LCORL: variants seen among roughly 807,000 people sequenced by gnomAD.
LCORL encodes the protein ligand dependent nuclear receptor corepressor like.
Under a neutral mutation model 141.8 loss-of-function variants are expected in LCORL, and 41 were observed. The ratio of observed to expected loss-of-function variants is 0.29; its 90% CI spans 0.23 to 0.38. The LOEUF is 0.38. Among genes scored for constraint, LCORL ranks in the 10% least tolerant of loss-of-function variants. The pLI, the probability that LCORL is intolerant of heterozygous loss-of-function variation, is 1.00. For synonymous variants in LCORL, 618 were observed against 694.1 expected (o/e 0.89, Z 1.72); for missense variants, 1,759 against 2,035.0 (o/e 0.86, Z 2.61).
At chr4:17,906,894 C>A (rs1452764164) in intron 5 of LCORL, among the ~76,000 whole-genome samples, 1 of 151,998 alleles carries the variant, frequency 6.6e-6, no homozygotes, top group Non-Finnish European at 1.5e-5. Flanking sequence ...ACCATGTTGG[C>A]CAGGATGTTG....
chr4:17,843,158 A>AT, exon 8 of LCORL: 1 of 836,058 alleles, frequency 1.2e-6, no homozygotes, highest in South Asian at 2.2e-5. Context: ...TGACATTGAG[A>AT]TTTTAGTTTT....
intron 7 of LCORL, among the ~76,000 whole-genome samples, chr4:17,852,026 G>A (rs1036792370): frequency 1.3e-5 from 2 of 152,030 alleles, no homozygotes; most frequent in Non-Finnish European, 2.9e-5. Context: ...TTGTTCTATA[G>A]TGATTTGTGA....
chr4:17,845,822 T>C (rs201117351), exon 8 of LCORL: 6 of 1,613,324 alleles, frequency 3.7e-6, no homozygotes, highest in Middle Eastern at 1.7e-4. Context: ...TTAAGGCACA[T>C]CTTAATGGGG....
intron 7 of LCORL, among the ~76,000 whole-genome samples, chr4:17,872,002 T>C (rs1726392444): frequency 6.6e-6 from 1 of 152,076 alleles, no homozygotes; most frequent in Admixed American, 6.6e-5. Context: ...ATCAAGAATT[T>C]ACTGCTTTTA....
Position 17,884,522 on chromosome 4 carries a change from T to G in LCORL, c.776+1546A>C. 1 of 1,538,918 alleles carries G rather than the reference T, an allele frequency of 6.5e-7. No homozygotes were observed. Among genetic ancestry groups the G allele is most frequent in the Non-Finnish European group, 8.7e-7 (1 of 1,143,090 alleles). The stretch of plus-strand genomic sequence containing the variant: ...TGCACAAGTTTCTTTACTGTCCTTA[T>G]ATGAATAACTATCATGGAAATCTCG... On this transcript the variant is annotated intron_variant, in intron 6 of 7. Transcript: ENST00000635767. The surrounding 1 kb of genome is among the most constrained non-coding windows in gnomAD (Gnocchi z 4.4).
At chr4:17,850,646 G>A (rs1467008196) in intron 7 of LCORL, among the ~76,000 whole-genome samples, 57 of 151,806 alleles carry the variant, frequency 3.8e-4, no homozygotes, top group Middle Eastern at 3.4e-3. Flanking sequence ...TGGAGAGGAT[G>A]TGGAGAAATA....
intron 6 of LCORL, chr4:17,883,673 AACAC>A (rs139656197): frequency 2.1e-4 from 277 of 1,315,502 alleles, no homozygotes; most frequent in African/African-American, 1.1e-3. Context: ...CACACACGCA[AACAC>A]ACACACACAC....
At chr4:17,909,314 G>C (rs959364724) in exon 5 of LCORL, 2 of 1,608,014 alleles carry the variant, frequency 1.2e-6, no homozygotes, top group South Asian at 1.1e-5. Flanking sequence ...GAGCAACTAG[G>C]GGAATGTTAG....
In LCORL at chr4:17,884,077, G is replaced by C. The variant is rs1727959064; in HGVS notation, c.776+1991C>G. ...TTTTAGAATTAAGACACAAAGGAGA[G>C]AGGTCCCCATGTAGAAAGTAAGAGT... On this transcript the variant is annotated intron_variant, in intron 6 of 7. Transcript: ENST00000635767. The surrounding 1 kb of genome is among the most constrained non-coding windows in gnomAD (Gnocchi z 4.4). The C allele has an allele frequency of 1.3e-6, 2 of 1,550,516 alleles. No individual in the cohort carries two copies. The highest frequency in any genetic ancestry group is 1.4e-5 in the African/African-American group (1 of 72,926).
intron 6 of LCORL, among the ~76,000 whole-genome samples, chr4:17,878,971 A>G (rs1444174708): frequency 2.6e-5 from 4 of 151,056 alleles, no homozygotes; most frequent in Non-Finnish European, 5.9e-5. Flanking sequence ...TTAATCCAAT[A>G]CCAGCAGCAG....
At chr4:18,004,365 G>A (rs1257190467) in intron 1 of LCORL, among the ~76,000 whole-genome samples, 14 of 152,204 alleles carry the variant, frequency 9.2e-5, no homozygotes, top group Admixed American at 9.2e-4. Context: ...CCATGTGGCT[G>A]GGGAAGCCTC....
chr4:17,984,130 G>A lies in LCORL; in HGVS notation c.155-11245C>T, dbSNP rs1327456360. On this transcript the variant is annotated intron_variant, in intron 1 of 7. Transcript: ENST00000635767. ...CCAGGGATAAAGCCTACCTGATAGT[G>A]GTGTATTAGCTTTTTGATGTGCTGC... Among the ~76,000 whole-genome samples, 3 of 152,092 alleles carry A rather than the reference G, an allele frequency of 2.0e-5. No individual in the cohort carries two copies. In the South Asian group the frequency reaches 6.2e-4, roughly 32 times the overall value.
chr4:17,943,121 G>C (rs552809894), intron 4 of LCORL, among the ~76,000 whole-genome samples: 14 of 152,176 alleles, frequency 9.2e-5, no homozygotes, highest in African/African-American at 3.4e-4. Context: ...CTGATCCGGC[G>C]GCTCATTTTG....
At chr4:18,007,387 A>G (rs1722991090) in intron 1 of LCORL, among the ~76,000 whole-genome samples, 1 of 152,226 alleles carries the variant, frequency 6.6e-6, no homozygotes, top group African/African-American at 2.4e-5. Flanking sequence ...TCAATTAAAC[A>G]AACTATCTTT....
rs1171069243 is a variant in LCORL, at chr4:17,909,255, G to C, written c.521C>G (p.Ser174Ter). 6.2e-7 allele frequency: 1 copy of C among 1,612,842 alleles called. No homozygotes were observed. Among genetic ancestry groups the C allele is most frequent in the Non-Finnish European group, 8.5e-7 (1 of 1,179,362 alleles). Residue 174 changes from serine to a stop codon, truncating the protein, a stop_gained, in exon 5 of 8, where the codon TCA becomes TGA. Transcript: ENST00000635767. LOFTEE classifies it high-confidence loss of function. ...ATTCTCTTGAGTTTTACCACTTTTTGAAATGTACTCAATCGCAAATTGACG... is the reference window on the plus strand; with the variant it reads ...ATTCTCTTGAGTTTTACCACTTTTTCAAATGTACTCAATCGCAAATTGACG...
intron 4 of LCORL, among the ~76,000 whole-genome samples, chr4:17,954,440 A>T (rs1239220351): frequency 3.3e-5 from 5 of 152,220 alleles, no homozygotes; most frequent in Non-Finnish European, 7.3e-5. Flanking sequence ...GTCAAGGAGG[A>T]GACAGAACCA....
chr4:17,845,986 A>C, intron 7 of LCORL, 85 bp from the exon 8 acceptor site: 2 of 1,149,058 alleles, frequency 1.7e-6, no homozygotes, highest in Non-Finnish European at 2.5e-6. Context: ...TAGTTGTAGT[A>C]GTGTTTGGAC....
Position 17,884,454 on chromosome 4 carries a change from G to A in LCORL, c.776+1614C>T, listed in dbSNP as rs1560288300. 2.3e-5 allele frequency: 36 copies of A among 1,550,026 alleles called. No individual in the cohort carries two copies. The highest frequency in any genetic ancestry group is 3.1e-5 in the Non-Finnish European group (36 of 1,146,202). Reference sequence around the variant, plus strand: ...AGATTGAGTTTACTTTTTTCTGTGCGCTCTGCTTGAGCTCTTGCCCACAAG... The same window carrying A: ...AGATTGAGTTTACTTTTTTCTGTGCACTCTGCTTGAGCTCTTGCCCACAAG... On this transcript the variant is annotated intron_variant, in intron 6 of 7. Transcript: ENST00000635767. The surrounding 1 kb of genome is among the most constrained non-coding windows in gnomAD (Gnocchi z 4.4).
At chr4:18,016,221 A>G (rs533102130) in intron 1 of LCORL, among the ~76,000 whole-genome samples, 11 of 152,310 alleles carry the variant, frequency 7.2e-5, no homozygotes, top group Non-Finnish European at 1.3e-4. Context: ...TGAAAGACAC[A>G]TATCAACATA....
Sources: gnomAD v4.1 joint callset for allele counts (sites outside exome capture counted in the v4.1 genomes callset) on GRCh38, gnomAD v4.1.1 for gene constraint, Gnocchi (gnomAD v3.1) non-coding constraint, MANE v1.5 for transcripts, NCBI Gene and HGNC (gene_info 2026-07-23, HGNC 2026-07-21) for gene names.